Variants in NFAT5 observed in about 807,000 individuals in gnomAD.
The protein encoded by NFAT5 is nuclear factor of activated T cells 5.
A neutral mutation model predicts 166.5 loss-of-function variants in NFAT5; 31 were observed. The observed-to-expected ratio is 0.19, with a 90% CI of 0.14 to 0.25. The LOEUF is 0.25. Ranked by LOEUF, NFAT5 falls within the 10% of genes least tolerant of loss-of-function variation. The pLI, the probability that NFAT5 is intolerant of heterozygous loss-of-function variation, is 1.00. For synonymous variants in NFAT5, 612 were observed against 639.7 expected (o/e 0.96, Z 0.65); for missense variants, 1,449 against 1,821.8 (o/e 0.80, Z 3.72).
intron 12 of NFAT5, 61 bp downstream of exon 12, chr16:69,691,149 C>G: frequency 7.3e-7 from 1 of 1,371,946 alleles, no homozygotes. Flanking sequence ...TTTACTTTTC[C>G]TATTTTTTTA....
chr16:69,627,005 G>A (rs887896118), intron 3 of NFAT5, among the ~76,000 whole-genome samples: 10 of 151,662 alleles, frequency 6.6e-5, no homozygotes, highest in African/African-American at 1.9e-4. Flanking sequence ...ATGTGACTTC[G>A]TAGTTTTCAA....
rs1435158275 is a variant in NFAT5, at chr16:69,647,554, G to A, written c.780G>A (p.Thr260=). The A allele has an allele frequency of 3.8e-6, 6 of 1,588,342 alleles. No individual in the cohort carries two copies. Among genetic ancestry groups the A allele is most frequent in the Non-Finnish European group, 5.1e-6 (6 of 1,169,398 alleles). ...ACTATGTGCTTTCTCAGCTTACCAC[G>A]GACAACAAAGGCAACTCAAAAGCGG... is the stretch of plus-strand genomic sequence containing the variant. The part of the protein sequence containing the change: ...APHYVLSQLT[T]DNKGNSKAGN... Residue 260 remains threonine, a synonymous_variant, in exon 4 of 15, where the codon ACG becomes ACA. Coordinates refer to ENST00000349945, the MANE Select transcript of NFAT5 (RefSeq NM_138713.4). The surrounding 1 kb of genome is among the most constrained non-coding windows in gnomAD (Gnocchi z 4.8).
intron 2 of NFAT5, among the ~76,000 whole-genome samples, chr16:69,580,918 G>A (rs139241592): frequency 3.9e-5 from 6 of 152,256 alleles, no homozygotes; most frequent in African/African-American, 1.2e-4. Context: ...GCCTCCCGGA[G>A]AGCTGGGATT....
At chr16:69,643,277 T>G (rs2035295605) in intron 3 of NFAT5, among the ~76,000 whole-genome samples, 1 of 151,982 alleles carries the variant, frequency 6.6e-6, no homozygotes, top group Non-Finnish European at 1.5e-5. Context: ...ACTTTGGTTC[T>G]ATAGAATATC....
In NFAT5 at chr16:69,653,335, A is replaced by G; in HGVS notation, c.912A>G (p.Val304=). 6.2e-7 allele frequency: 1 copy of G among 1,613,344 alleles called. No individual in the cohort carries two copies. Among genetic ancestry groups the G allele is most frequent in the Non-Finnish European group, 8.5e-7 (1 of 1,179,762 alleles). ...KSEGKELKIV[V]QPETQHRARY... ...AGGGAAAGGAGCTGAAGATAGTTGT[A>G]CAACCTGAGACACAGCACCGAGCTC... Residue 304 remains valine, a synonymous_variant, in exon 5 of 15, where the codon GTA becomes GTG. Transcript: ENST00000349945.
intron 2 of NFAT5, among the ~76,000 whole-genome samples, chr16:69,570,426 G>C (rs2016361970): frequency 6.6e-6 from 1 of 151,978 alleles, no homozygotes; most frequent in South Asian, 2.1e-4. Context: ...CATCACCACA[G>C]TTTAACCAGT....
intron 9 of NFAT5, among the ~76,000 whole-genome samples, chr16:69,673,970 G>T (rs1049979170): frequency 6.6e-6 from 1 of 151,832 alleles, no homozygotes; most frequent in Non-Finnish European, 1.5e-5. Flanking sequence ...ATTGCCAGGC[G>T]TGTGGCTCAT....
At chr16:69,633,459 C>T (rs1346838039) in intron 3 of NFAT5, among the ~76,000 whole-genome samples, 1 of 152,098 alleles carries the variant, frequency 6.6e-6, no homozygotes, top group Admixed American at 6.5e-5. Context: ...AAGAAAGGAA[C>T]TTCACCTGTT....
chr16:69,664,142 C>T (rs1185219512), intron 7 of NFAT5, among the ~76,000 whole-genome samples: 4 of 152,124 alleles, frequency 2.6e-5, no homozygotes, highest in Admixed American at 2.6e-4. Flanking sequence ...TTTACATAGT[C>T]AGATGTAGGC....
chr16:69,617,370 T>C (rs2034002444), intron 2 of NFAT5, among the ~76,000 whole-genome samples: 1 of 152,202 alleles, frequency 6.6e-6, no homozygotes, highest in Non-Finnish European at 1.5e-5. Flanking sequence ...CCTTCTAGGA[T>C]AGACTCAAGA....
chr16:69,684,964 A>C lies in NFAT5; in HGVS notation c.1768A>C (p.Met590Leu), dbSNP rs1273292190. ...AAGACCTTGCTCTTTTGAAGAGGCC[A>C]TGAAAGGTACCAAGTAAATTCTTCT... ...PARPCSFEEA[M>L]KAMKTTGCNL... Residue 590 changes from methionine (M) to leucine (L), a missense_variant, in exon 11 of 15, where the codon ATG becomes CTG. Physicochemically the swap from Met to Leu is conservative, Grantham distance 15 (BLOSUM62 2). This residue lies in a region of NFAT5 where 245 missense variants were observed against 366.6 expected (regional missense o/e 0.67). Coordinates refer to ENST00000349945, the MANE Select transcript of NFAT5 (RefSeq NM_138713.4). 6.2e-7 allele frequency: 1 copy of C among 1,608,490 alleles called. No homozygotes were observed. The highest frequency in any genetic ancestry group is 1.1e-5 in the South Asian group (1 of 90,116).
rs2016069233 is a variant in NFAT5, at chr16:69,566,725, G to T, written c.73+351G>T. ...CCTCCCGGGCTCGGGGATGGCCCCA[G>T]ACTGGGCCCCGCGCTGGGGCCACCG... On this transcript the variant is annotated intron_variant, in intron 1 of 14. Coordinates refer to ENST00000349945, the MANE Select transcript of NFAT5 (RefSeq NM_138713.4). The surrounding 1 kb of genome is among the most constrained non-coding windows in gnomAD (Gnocchi z 5.7). 6.6e-6 allele frequency among the ~76,000 whole-genome samples: 1 copy of T among 152,078 alleles called. No homozygotes were observed.
At position 69,566,496 on chromosome 16, in the gene NFAT5, T is replaced by G. The variant is rs1048289098; in HGVS notation, c.73+122T>G. On this transcript the variant is annotated intron_variant, in intron 1 of 14. Coordinates refer to ENST00000349945, the MANE Select transcript of NFAT5 (RefSeq NM_138713.4). The surrounding 1 kb of genome is among the most constrained non-coding windows in gnomAD (Gnocchi z 5.7). ...GCGGCTGAGCCGCGACCCCCATGGC[T>G]TCTTTGGCCGGAGCGGGCAGAGGCC... 1 of 847,922 alleles carries G rather than the reference T, an allele frequency of 1.2e-6. No individual in the cohort carries two copies. The highest frequency in any genetic ancestry group is 1.7e-5 in the African/African-American group (1 of 58,920). 52.5% of individuals were successfully genotyped at this position (847,922 alleles called of 1,614,324 possible). A position where few individuals can be genotyped will look rare whatever the true frequency, so the allele number is the denominator to read the frequency against.
rs996409911 is a variant in NFAT5, at chr16:69,703,127, C to T, written c.*6776C>T. On this transcript the variant is annotated 3_prime_UTR_variant, in exon 15 of 15. Coordinates refer to ENST00000349945, the MANE Select transcript of NFAT5 (RefSeq NM_138713.4). ...TTCTTTTCATTGCCTAGTACTTTACCAGCAGACCACAGTTTTGCCCTGGCT... is the reference window on the plus strand; with the variant it reads ...TTCTTTTCATTGCCTAGTACTTTACTAGCAGACCACAGTTTTGCCCTGGCT... 1.3e-5 allele frequency: 2 copies of T among 152,538 alleles called. No homozygotes were observed. Among genetic ancestry groups the T allele is most frequent in the Non-Finnish European group, 2.9e-5 (2 of 68,028 alleles). The allele number at this position is 152,538 out of a possible 1,614,324, so 9.4% of individuals were successfully genotyped here. A position where few individuals can be genotyped will look rare whatever the true frequency, so the allele number is the denominator to read the frequency against.
Position 69,661,539 on chromosome 16 carries a change from T to TAAAAAAAAAA in NFAT5, c.1369+1659_1369+1668dup, listed in dbSNP as rs1037382239. On this transcript the variant is annotated intron_variant, in intron 7 of 14. Transcript: ENST00000349945. ...AGCCTGTATAAGAGACCCAGTCTCT[T>TAAAAAAAAAA]AAAAAAAAAAAAAAAAAAAAAAAAA... Among the ~76,000 whole-genome samples, 63 of 37,928 alleles carry TAAAAAAAAAA rather than the reference T, an allele frequency of 1.7e-3. 6 individuals carry two copies. The highest frequency in any genetic ancestry group is 6.8e-3 in the African/African-American group (55 of 8,146). The allele number at this position is 37,928 out of a possible 152,430, so 24.9% of individuals were successfully genotyped here. A position where few individuals can be genotyped will look rare whatever the true frequency, so the allele number is the denominator to read the frequency against.
At chr16:69,686,775 A>G (rs1037783932) in intron 11 of NFAT5, among the ~76,000 whole-genome samples, 2 of 152,028 alleles carry the variant, frequency 1.3e-5, no homozygotes, top group African/African-American at 4.8e-5. Flanking sequence ...GGGCAGAAGA[A>G]TTGCTTGAAC....
rs1455657651 is a variant in NFAT5, at chr16:69,659,268, C to A, written c.1197-459C>A. On this transcript the variant is annotated intron_variant, in intron 6 of 14. Transcript: ENST00000349945. Reference sequence around the variant, plus strand: ...ACCGGCCTGGCCAACATGGTGTAACCCCATCTTTACTAAAAATACAAAAAA... The same window carrying A: ...ACCGGCCTGGCCAACATGGTGTAACACCATCTTTACTAAAAATACAAAAAA... 2.0e-5 allele frequency among the ~76,000 whole-genome samples: 3 copies of A among 151,772 alleles called. No homozygotes were observed. In the East Asian group the frequency reaches 5.8e-4, roughly 29 times the overall value.
chr16:69,614,304 G>A (rs929759652), intron 2 of NFAT5, among the ~76,000 whole-genome samples: 2 of 152,102 alleles, frequency 1.3e-5, no homozygotes, highest in African/African-American at 4.8e-5. Flanking sequence ...ACAGGCACGA[G>A]CCACCACGCT....
intron 2 of NFAT5, among the ~76,000 whole-genome samples, chr16:69,624,041 G>A (rs116358863): frequency 0.012 from 1,780 of 151,816 alleles, 26 homozygotes; most frequent in African/African-American, 0.037. Context: ...ATGAACCACC[G>A]TGACCGGCCG....
Sources: allele counts gnomAD v4.1 joint callset (sites outside exome capture counted in the v4.1 genomes callset), GRCh38; gene constraint gnomAD v4.1.1; regional missense constraint gnomAD v4.1.1; non-coding constraint Gnocchi (gnomAD v3.1); transcripts MANE v1.5; gene names NCBI Gene and HGNC (gene_info 2026-07-23, HGNC 2026-07-21).